HORMAD2: variants seen among roughly 807,000 people sequenced by gnomAD.
HORMAD2 encodes HORMA domain-containing protein 2.
In HORMAD2, 45 loss-of-function variants were observed where a neutral mutation model predicts 38.8. The observed-to-expected ratio is 1.16, with a 90% CI of 0.91 to 1.49. The LOEUF is 1.49. HORMAD2 is among the 40% of genes most tolerant of loss of function. The pLI is 0.00. For missense variants in HORMAD2, 338 were observed against 367.0 expected (o/e 0.92, Z 0.65); for synonymous variants, 126 against 122.8 (o/e 1.03, Z -0.17).
At chr22:30,173,150 A>G (rs1005872976) in intron 10 of HORMAD2, among the ~76,000 whole-genome samples, 1 of 152,198 alleles carries the variant, frequency 6.6e-6, no homozygotes, top group Non-Finnish European at 1.5e-5. Context: ...TAGAACTGCA[A>G]GTGGTTAAGT....
chr22:30,085,397 T>C (rs1459472150), intron 1 of HORMAD2, among the ~76,000 whole-genome samples: 3 of 152,200 alleles, frequency 2.0e-5, no homozygotes, highest in African/African-American at 7.2e-5. Context: ...GTTTATACTA[T>C]ATTAAACAGA....
At chr22:30,114,339 A>C (rs945211436) in intron 7 of HORMAD2, among the ~76,000 whole-genome samples, 2 of 152,236 alleles carry the variant, frequency 1.3e-5, no homozygotes, top group African/African-American at 4.8e-5. Flanking sequence ...GTAATACTAA[A>C]ACACTCAAAG....
rs1480185303 is a variant in HORMAD2 at position 30,101,375 on chromosome 22, G to A, written c.194-2062G>A. Among the ~76,000 whole-genome samples the A allele has an allele frequency of 2.0e-5, 3 of 151,710 alleles. No individual in the cohort carries two copies. The East Asian group carries it at 5.8e-4, about 29-fold the overall frequency. ...TGTATGTTCTCACTCATAAGTGGGA[G>A]TTGAACAATGAGAACACATGGAAAC... On this transcript the variant is annotated intron_variant, in intron 3 of 10. Transcript: ENST00000336726.
At chr22:30,203,296 G>A in the HORMAD2 span, among the ~76,000 whole-genome samples, 11 of 151,596 alleles carry the variant, frequency 7.3e-5, no homozygotes, top group South Asian at 2.1e-4. Flanking sequence ...TCAGGAGGCT[G>A]AGGCATGAGA....
At chr22:30,137,179 AT>A in intron 10 of HORMAD2, 1 of 561,066 alleles carries the variant, frequency 1.8e-6, no homozygotes, top group South Asian at 1.6e-5. Context: ...TTAATCAGGC[AT>A]TTTTGCCCTG....
chr22:30,128,036 C>T (rs1923006755), intron 10 of HORMAD2, among the ~76,000 whole-genome samples: 1 of 152,080 alleles, frequency 6.6e-6, no homozygotes, highest in African/African-American at 2.4e-5. Context: ...GTCATCATTG[C>T]CTCTCCAGTT....
intron 7 of HORMAD2, among the ~76,000 whole-genome samples, chr22:30,115,426 A>G (rs1569094076): frequency 2.0e-5 from 3 of 152,264 alleles, no homozygotes; most frequent in East Asian, 1.9e-4. Flanking sequence ...CCTTTAATAG[A>G]TTGCCTCATA....
intron 10 of HORMAD2, among the ~76,000 whole-genome samples, chr22:30,166,367 A>C (rs924138429): frequency 6.6e-6 from 1 of 152,212 alleles, no homozygotes; most frequent in Non-Finnish European, 1.5e-5. Flanking sequence ...TGTGATGTCA[A>C]ATAGGTAGCC....
the HORMAD2 span, among the ~76,000 whole-genome samples, chr22:30,186,659 T>C: frequency 6.6e-6 from 1 of 152,148 alleles, no homozygotes; most frequent in Non-Finnish European, 1.5e-5. Flanking sequence ...ATTATTTGAC[T>C]GTCTGCCACA....
chr22:30,102,038 A>C (rs1294128148), intron 3 of HORMAD2, among the ~76,000 whole-genome samples: 1 of 152,110 alleles, frequency 6.6e-6, no homozygotes, highest in Non-Finnish European at 1.5e-5. Flanking sequence ...ACTGAATTCC[A>C]GCTTGAGTGA....
At chr22:30,199,761 A>T in the HORMAD2 span, among the ~76,000 whole-genome samples, 1 of 150,484 alleles carries the variant, frequency 6.6e-6, no homozygotes, top group South Asian at 2.1e-4. Context: ...AATTAGTCTA[A>T]GGTTGAATTC....
rs774821529 is a variant in HORMAD2 at position 30,111,851 on chromosome 22, T to C, written c.315+35T>C. ...CACTCATTTAAAGACCAAGCCTCTGTCTCTATTTCATTGTCTTTTGGCAAG... is the reference window on the plus strand; with the variant it reads ...CACTCATTTAAAGACCAAGCCTCTGCCTCTATTTCATTGTCTTTTGGCAAG... On this transcript the variant is annotated intron_variant, in intron 6 of 10. Coordinates refer to ENST00000336726, the MANE Select transcript of HORMAD2 (RefSeq NM_152510.4). The C allele has an allele frequency of 2.0e-6, 3 of 1,530,150 alleles. No individual in the cohort carries two copies. In the South Asian group the frequency reaches 3.7e-5, roughly 19 times the overall value. The allele number at this position is 1,530,150 out of a possible 1,614,324, so 94.8% of individuals were successfully genotyped here.
the HORMAD2 span, among the ~76,000 whole-genome samples, chr22:30,189,120 T>C: frequency 2.6e-5 from 4 of 152,124 alleles, no homozygotes; most frequent in Non-Finnish European, 4.4e-5. Context: ...AAAAAAAAGT[T>C]TTTTTCATTA....
At chr22:30,088,106 C>T (rs148685805) in intron 1 of HORMAD2, among the ~76,000 whole-genome samples, 103 of 128,844 alleles carry the variant, frequency 8.0e-4, no homozygotes, top group African/African-American at 2.4e-3. Context: ...CACGTACACA[C>T]GTGTACATAT....
At chr22:30,143,431 T>G (rs943950984) in intron 10 of HORMAD2, among the ~76,000 whole-genome samples, 1 of 152,200 alleles carries the variant, frequency 6.6e-6, no homozygotes, top group Non-Finnish European at 1.5e-5. Context: ...AAGATATCTT[T>G]GCTGAATAAA....
intron 4 of HORMAD2, among the ~76,000 whole-genome samples, chr22:30,103,957 C>T (rs112566082): frequency 5.3e-5 from 8 of 150,222 alleles, no homozygotes; most frequent in African/African-American, 1.7e-4. Context: ...ACTGCCCTGA[C>T]CTACTTTCCC....
rs1453813202 is a variant in HORMAD2 at position 30,176,287 on chromosome 22, C to G, written c.*120C>G. The G allele has an allele frequency of 1.6e-5, 12 of 738,842 alleles. No individual in the cohort carries two copies. The East Asian group carries it at 3.3e-4, about 20-fold the overall frequency. 45.8% of individuals were successfully genotyped at this position (738,842 alleles called of 1,614,324 possible). On this transcript the variant is annotated 3_prime_UTR_variant, in exon 11 of 11. Transcript: ENST00000336726. Reference sequence around the variant, plus strand: ...AAAACCTTTTTCTAAATTTTTTGCTCAATTTTTTTTGTCAGTTGCTAAGTG... The same window carrying G: ...AAAACCTTTTTCTAAATTTTTTGCTGAATTTTTTTTGTCAGTTGCTAAGTG...
chr22:30,194,910 G>A, the HORMAD2 span, among the ~76,000 whole-genome samples: 133 of 152,128 alleles, frequency 8.7e-4, no homozygotes, highest in Middle Eastern at 0.01. Flanking sequence ...AACCAAGAGT[G>A]GGCCGGGCAC....
At position 30,176,900 on chromosome 22, in the gene HORMAD2, T is replaced by C. The variant is rs913209374; in HGVS notation, c.*733T>C. ...TCTGGAAGAATTTGGATAGACTTAA[T>C]TGATGATTAGTATGAGATGAACAAT... On this transcript the variant is annotated 3_prime_UTR_variant, in exon 11 of 11. Coordinates refer to ENST00000336726, the MANE Select transcript of HORMAD2 (RefSeq NM_152510.4). The C allele has an allele frequency of 6.5e-6, 1 of 152,796 alleles. No individual in the cohort carries two copies. The highest frequency in any genetic ancestry group is 1.5e-5 in the Non-Finnish European group (1 of 68,042). 9.5% of individuals were successfully genotyped at this position (152,796 alleles called of 1,614,324 possible).
Sources: allele counts gnomAD v4.1 joint callset (sites outside exome capture counted in the v4.1 genomes callset), GRCh38; gene constraint gnomAD v4.1.1; transcripts MANE v1.5; gene names NCBI Gene and HGNC (gene_info 2026-07-23, HGNC 2026-07-21).